Variants in SH3PXD2A observed in about 807,000 individuals in gnomAD.
SH3PXD2A encodes the protein SH3 and PX domains 2A, also known as SH3 and PX domain-containing protein 2A.
A neutral mutation model predicts 115.2 loss-of-function variants in SH3PXD2A; 32 were observed. That is an observed-to-expected ratio of 0.28 (90% CI 0.21 to 0.37). SH3PXD2A has a LOEUF of 0.37. SH3PXD2A is among the 10% of genes least tolerant of loss of function. The pLI, the probability that SH3PXD2A is intolerant of heterozygous loss-of-function variation, is 1.00. For missense variants in SH3PXD2A, 1,328 were observed against 1,498.7 expected (o/e 0.89, Z 1.88); for synonymous variants, 610 against 629.1 (o/e 0.97, Z 0.45).
rs117580664 is a variant in SH3PXD2A, at chr10:103,821,018, G to A, written c.73-19656C>T. Among the ~76,000 whole-genome samples the A allele has an allele frequency of 7.3e-3, 1,114 of 152,276 alleles. 4 individuals carry two copies. The highest frequency in any genetic ancestry group is 0.027 in the Middle Eastern group (8 of 294). The stretch of plus-strand genomic sequence containing the variant: ...CTCTGACCCTGCATTTCCTCGCCTA[G>A]ACAATGAGGGTAATAAGAGGGTATG... On this transcript the variant is annotated intron_variant, in intron 1 of 14. Transcript: ENST00000369774.
intron 5 of SH3PXD2A, among the ~76,000 whole-genome samples, chr10:103,699,166 C>T (rs891002831): frequency 1.2e-4 from 18 of 152,096 alleles, no homozygotes; most frequent in African/African-American, 2.9e-4. Flanking sequence ...TCCACAGACC[C>T]GGGTTCTGGG....
intron 3 of SH3PXD2A, among the ~76,000 whole-genome samples, chr10:103,743,790 T>C (rs1050355889): frequency 6.6e-6 from 1 of 152,232 alleles, no homozygotes; most frequent in Admixed American, 6.5e-5. Context: ...ATGCCTGAGA[T>C]TGCAGAATCA....
chr10:103,846,992 T>C (rs1842853860), intron 1 of SH3PXD2A, among the ~76,000 whole-genome samples: 1 of 152,232 alleles, frequency 6.6e-6, no homozygotes, highest in Non-Finnish European at 1.5e-5. Flanking sequence ...GGGGCTGTTC[T>C]GAGAACATCC....
rs1554901348 is a variant in SH3PXD2A, at chr10:103,596,663, A to ACT, written c.*5151_*5152dup. On this transcript the variant is annotated 3_prime_UTR_variant, in exon 15 of 15. Coordinates refer to ENST00000369774, the MANE Select transcript of SH3PXD2A (RefSeq NM_001394015.1). ...CACACACACACACACACACACACAC[A>ACT]CTCTCTCTCTCTCTCTCTCTCTCAC... 9,185 of 124,438 alleles carry ACT rather than the reference A, an allele frequency of 0.074. 399 individuals carry two copies. The highest frequency in any genetic ancestry group is 0.091 in the South Asian group (311 of 3,418). 7.7% of individuals were successfully genotyped at this position (124,438 alleles called of 1,614,324 possible). A position where few individuals can be genotyped will look rare whatever the true frequency, so the allele number is the denominator to read the frequency against.
intron 7 of SH3PXD2A, among the ~76,000 whole-genome samples, chr10:103,662,691 G>T (rs545657774): frequency 1.3e-5 from 2 of 152,046 alleles, no homozygotes; most frequent in South Asian, 4.1e-4. Flanking sequence ...GAGCCACCGC[G>T]CCCGGCCTAT....
intron 9 of SH3PXD2A, among the ~76,000 whole-genome samples, chr10:103,625,006 G>A (rs894791239): frequency 1.3e-5 from 2 of 152,074 alleles, no homozygotes; most frequent in Admixed American, 6.5e-5. Flanking sequence ...CCCTGGGCAC[G>A]CATGCACGCG....
chr10:103,643,775 CG>C (rs2036990507), intron 8 of SH3PXD2A, among the ~76,000 whole-genome samples: 1 of 152,170 alleles, frequency 6.6e-6, no homozygotes, highest in Non-Finnish European at 1.5e-5. Context: ...GACCCACTCT[CG>C]GGGAACCACT....
intron 3 of SH3PXD2A, among the ~76,000 whole-genome samples, chr10:103,758,859 T>A (rs2038669865): frequency 6.6e-6 from 1 of 152,190 alleles, no homozygotes; most frequent in African/African-American, 2.4e-5. Flanking sequence ...TTTTTCCTTC[T>A]CCATCACATA....
intron 1 of SH3PXD2A, among the ~76,000 whole-genome samples, chr10:103,847,632 T>C (rs1810212199): frequency 6.6e-6 from 1 of 152,160 alleles, no homozygotes; most frequent in Non-Finnish European, 1.5e-5. Flanking sequence ...GCTGAAGCAC[T>C]GCATTTAAAA....
chr10:103,617,377 CCCT>C (rs2036535471), intron 10 of SH3PXD2A, 63 bp from the exon 11 acceptor site: 2 of 1,158,260 alleles, frequency 1.7e-6, no homozygotes, highest in East Asian at 2.3e-5. Flanking sequence ...GCTTCCTGTC[CCCT>C]CCTCCTGCCC....
intron 4 of SH3PXD2A, among the ~76,000 whole-genome samples, chr10:103,727,831 A>C (rs1042478636): frequency 1.3e-5 from 2 of 152,220 alleles, no homozygotes; most frequent in African/African-American, 4.8e-5. Context: ...TTTCAGGCTG[A>C]CAAGAGGCTC....
rs532234601 is a variant in SH3PXD2A, at chr10:103,795,941, A to C, written c.153+5341T>G. Among the ~76,000 whole-genome samples the C allele has an allele frequency of 7.9e-5, 12 of 151,408 alleles. No individual in the cohort carries two copies. The South Asian group carries it at 2.1e-3, about 27-fold the overall frequency. ...AAGGAAGGAAGGAAGGCAGGAAGGA[A>C]GGAAGGAAGGAAGGAAACCAGAGAC... On this transcript the variant is annotated intron_variant, in intron 2 of 14. Coordinates refer to ENST00000369774, the MANE Select transcript of SH3PXD2A (RefSeq NM_001394015.1).
intron 7 of SH3PXD2A, among the ~76,000 whole-genome samples, chr10:103,663,898 C>A (rs966632489): frequency 6.6e-6 from 1 of 152,248 alleles, no homozygotes; most frequent in African/African-American, 2.4e-5. Flanking sequence ...CACATACATT[C>A]GCACGTGCAC....
intron 13 of SH3PXD2A, among the ~76,000 whole-genome samples, chr10:103,607,914 G>A (rs183614239): frequency 4.2e-4 from 64 of 151,594 alleles, no homozygotes; most frequent in African/African-American, 1.5e-3. Context: ...GATTGAGGTC[G>A]GTGCAAGATG....
intron 2 of SH3PXD2A, among the ~76,000 whole-genome samples, chr10:103,787,124 A>G (rs929558364): frequency 3.9e-5 from 6 of 152,150 alleles, no homozygotes; most frequent in Non-Finnish European, 7.4e-5. Flanking sequence ...AGCCTGCCCT[A>G]GACAGTCAGA....
chr10:103,852,944 A>G (rs1212671952), intron 1 of SH3PXD2A, among the ~76,000 whole-genome samples: 1 of 152,140 alleles, frequency 6.6e-6, no homozygotes, highest in Non-Finnish European at 1.5e-5. Context: ...CTGGCTCTCC[A>G]TTTCCTCATC....
intron 5 of SH3PXD2A, 133 bp from the exon 6 acceptor site, chr10:103,693,189 T>A (rs1035132725): frequency 2.4e-6 from 1 of 409,366 alleles, no homozygotes; most frequent in African/African-American, 2.1e-5. Context: ...CACGGCCGGC[T>A]AGCCGCGCGC....
At chr10:103,694,631 C>T (rs1205362683) in intron 5 of SH3PXD2A, among the ~76,000 whole-genome samples, 3 of 152,224 alleles carry the variant, frequency 2.0e-5, no homozygotes, top group Non-Finnish European at 4.4e-5. Flanking sequence ...TCAATCCTCT[C>T]ACCCACACTA....
intron 1 of SH3PXD2A, among the ~76,000 whole-genome samples, chr10:103,803,207 T>C (rs11818467): frequency 0.029 from 4,403 of 152,218 alleles, 204 homozygotes; most frequent in African/African-American, 0.096. Context: ...AGCAAACAGG[T>C]CTGAGTGCTG....
Sources: allele counts gnomAD v4.1 joint callset (sites outside exome capture counted in the v4.1 genomes callset), GRCh38; gene constraint gnomAD v4.1.1; transcripts MANE v1.5; gene names NCBI Gene and HGNC (gene_info 2026-07-23, HGNC 2026-07-21).